Variants in PURB observed in about 807,000 individuals in gnomAD.
The protein encoded by PURB is purine rich element binding protein B, also known as transcriptional regulator protein Pur-beta.
Under a neutral mutation model 21.1 loss-of-function variants are expected in PURB, and 11 were observed. That is an observed-to-expected ratio of 0.52 (90% CI 0.33 to 0.86). The LOEUF is 0.86. PURB is among the 40% of genes least tolerant of loss of function. The pLI, the probability that PURB is intolerant of heterozygous loss-of-function variation, is 0.02. For missense variants in PURB, 357 were observed against 456.5 expected, an observed-to-expected ratio of 0.78 and a Z score of 1.99; for synonymous variants, 246 against 210.8, an observed-to-expected ratio of 1.17 and a Z score of -1.45.
Position 44,884,836 on chromosome 7 carries a change from G to A in PURB, c.513C>T (p.Thr171=), listed in dbSNP as rs1427975300. 1.2e-5 allele frequency: 19 copies of A among 1,573,196 alleles called. No homozygotes were observed. Among genetic ancestry groups the A allele is most frequent in the Non-Finnish European group, 1.6e-5 (19 of 1,160,550 alleles). The stretch of plus-strand genomic sequence containing the variant: ...TGAGGCCCTGCGCAGGCAGCGCGAT[G>A]GTCTGGCCGCTCTGCAAGCCGCCCG... ...PGPGGLQSGQ[T]IALPAQGLIE... Residue 171 remains threonine, a synonymous_variant, in exon 1 of 1, where the codon ACC becomes ACT. Coordinates refer to ENST00000395699, the MANE Select transcript of PURB (RefSeq NM_033224.5).
Position 44,883,617 on chromosome 7 carries a change from G to A in PURB, c.*793C>T, listed in dbSNP as rs1330891614. 2 of 152,568 alleles carry A rather than the reference G, an allele frequency of 1.3e-5. No individual in the cohort carries two copies. The highest frequency in any genetic ancestry group is 4.8e-5 in the African/African-American group (2 of 41,440). The allele number at this position is 152,568 out of a possible 1,614,324, so 9.5% of individuals were successfully genotyped here. A position where few individuals can be genotyped will look rare whatever the true frequency, so the allele number is the denominator to read the frequency against. ...CCAATGTAAAACTGCTTTTATCTTT[G>A]AAAATTTTTTGTCAACTTTGAAACT... On this transcript the variant is annotated 3_prime_UTR_variant, in exon 1 of 1. Transcript: ENST00000395699.
In PURB at chr7:44,881,114, C is replaced by G. The variant is rs987925494; in HGVS notation, c.*3296G>C. The G allele has an allele frequency of 2.6e-5, 4 of 152,270 alleles. No individual in the cohort carries two copies. Among genetic ancestry groups the G allele is most frequent in the Non-Finnish European group, 5.9e-5 (4 of 68,010 alleles). 9.4% of individuals were successfully genotyped at this position (152,270 alleles called of 1,614,324 possible). A position where few individuals can be genotyped will look rare whatever the true frequency, so the allele number is the denominator to read the frequency against. On this transcript the variant is annotated 3_prime_UTR_variant, in exon 1 of 1. Transcript: ENST00000395699. Reference sequence around the variant, plus strand: ...CTGTTCCTAAAATTTGGCTTTTCACCTTTGTAACTATGGTAGTTTGGGAAA... The same window carrying G: ...CTGTTCCTAAAATTTGGCTTTTCACGTTTGTAACTATGGTAGTTTGGGAAA...
In PURB at chr7:44,885,432, GC is replaced by G; in HGVS notation, c.-85del. The stretch of plus-strand genomic sequence containing the variant: ...TCGCGCTCCGGGGCCCCCCAGCCTC[GC>G]CCGCCCGGCTCGCTCACGCGCTCCC... On this transcript the variant is annotated 5_prime_UTR_variant, in exon 1 of 1. Coordinates refer to ENST00000395699, the MANE Select transcript of PURB (RefSeq NM_033224.5). The G allele has an allele frequency of 5.2e-6, 2 of 386,464 alleles. No individual in the cohort carries two copies. Among genetic ancestry groups the G allele is most frequent in the Non-Finnish European group, 7.0e-6 (2 of 284,464 alleles). 23.9% of individuals were successfully genotyped at this position (386,464 alleles called of 1,614,324 possible).
In PURB at chr7:44,884,521, C is replaced by A; in HGVS notation, c.828G>T (p.Ala276=). The A allele has an allele frequency of 6.2e-7, 1 of 1,614,070 alleles. No homozygotes were observed. The highest frequency in any genetic ancestry group is 8.5e-7 in the Non-Finnish European group (1 of 1,180,022). Residue 276 remains alanine (A), a synonymous_variant, in exon 1 of 1, where the codon GCG becomes GCT. Transcript: ENST00000395699. ...GKFGGAFCRY[A]DEMKEIQERQ... ...GTTCCTGGATTTCTTTCATCTCATCCGCATACCGGCAAAAGGCGCCTCCGA... is the reference window on the plus strand; with the variant it reads ...GTTCCTGGATTTCTTTCATCTCATCAGCATACCGGCAAAAGGCGCCTCCGA...
At position 44,882,483 on chromosome 7, in the gene PURB, GATC is replaced by G. The variant is rs1793891403; in HGVS notation, c.*1924_*1926del. ...GTGGCTCTTCCACTTTTTAATCTAAGATCAACAATATTCTGCATCATAATCTAT... is the reference window on the plus strand; with the variant it reads ...GTGGCTCTTCCACTTTTTAATCTAAGAACAATATTCTGCATCATAATCTAT... On this transcript the variant is annotated 3_prime_UTR_variant, in exon 1 of 1. Coordinates refer to ENST00000395699, the MANE Select transcript of PURB (RefSeq NM_033224.5). 1 of 152,464 alleles carries G rather than the reference GATC, an allele frequency of 6.6e-6. No homozygotes were observed. The highest frequency in any genetic ancestry group is 6.6e-5 in the Admixed American group (1 of 15,262). 9.4% of individuals were successfully genotyped at this position (152,464 alleles called of 1,614,324 possible).
In PURB at chr7:44,884,934, G is replaced by C; in HGVS notation, c.415C>G (p.Gln139Glu). 6.3e-7 allele frequency: 1 copy of C among 1,585,812 alleles called. No homozygotes were observed. The highest frequency in any genetic ancestry group is 8.6e-7 in the Non-Finnish European group (1 of 1,168,456). ...RKYYLDLKEN[Q>E]RGRFLRIRQT... ...CGGATGCGCAGGAAGCGGCCGCGCT[G>C]GTTCTCCTTGAGGTCCAGGTAGTAC... The change falls in exon 1 of 1, where the codon CAG becomes GAG. Residue 139 changes from glutamine to glutamate, a missense_variant. Coordinates refer to ENST00000395699, the MANE Select transcript of PURB (RefSeq NM_033224.5).
Position 44,881,276 on chromosome 7 carries a change from A to G in PURB, c.*3134T>C, listed in dbSNP as rs1043984003. 1.3e-5 allele frequency: 2 copies of G among 152,250 alleles called. No homozygotes were observed. Among genetic ancestry groups the G allele is most frequent in the African/African-American group, 4.8e-5 (2 of 41,466 alleles). 9.4% of individuals were successfully genotyped at this position (152,250 alleles called of 1,614,324 possible). On this transcript the variant is annotated 3_prime_UTR_variant, in exon 1 of 1. Coordinates refer to ENST00000395699, the MANE Select transcript of PURB (RefSeq NM_033224.5). Reference sequence around the variant, plus strand: ...CATTCATAGCAACAACTGAAAAACAAAAAAATTGGTTGTTTCCCATGTCTG... The same window carrying G: ...CATTCATAGCAACAACTGAAAAACAGAAAAATTGGTTGTTTCCCATGTCTG...
In PURB at chr7:44,880,534, C is replaced by G. The variant is rs1452806269; in HGVS notation, c.*3876G>C. On this transcript the variant is annotated 3_prime_UTR_variant, in exon 1 of 1. Coordinates refer to ENST00000395699, the MANE Select transcript of PURB (RefSeq NM_033224.5). ...ACCCCTGTAAAGCCAGTCAAGGTCA[C>G]ATTTAACAAAGCATCTTCAGCAACT... is the stretch of plus-strand genomic sequence containing the variant. 6.6e-6 allele frequency: 1 copy of G among 152,660 alleles called. No homozygotes were observed. The highest frequency in any genetic ancestry group is 1.5e-5 in the Non-Finnish European group (1 of 68,050). The allele number at this position is 152,660 out of a possible 1,614,324, so 9.5% of individuals were successfully genotyped here. A position where few individuals can be genotyped will look rare whatever the true frequency, so the allele number is the denominator to read the frequency against.
Position 44,885,331 on chromosome 7 carries a change from G to A in PURB, c.18C>T (p.Ser6=), listed in dbSNP as rs1250193570. The A allele has an allele frequency of 5.4e-6, 7 of 1,294,076 alleles. No homozygotes were observed. In the South Asian group the frequency reaches 1.6e-4, roughly 30 times the overall value. The allele number at this position is 1,294,076 out of a possible 1,614,324, so 80.2% of individuals were successfully genotyped here. ...CACCGCCGCCGCCGCGCTCGCTGCC[G>A]CTGTCGCCGTCCGCCATCTTCTAGG... is the stretch of plus-strand genomic sequence containing the variant. MADGD[S]GSERGGGGGP... is the part of the protein sequence containing the mutation. Residue 6 remains serine, a synonymous_variant, in exon 1 of 1, where the codon AGC becomes AGT. Coordinates refer to ENST00000395699, the MANE Select transcript of PURB (RefSeq NM_033224.5).
Position 44,882,245 on chromosome 7 carries a change from CATT to C in PURB, c.*2162_*2164del, listed in dbSNP as rs1027046400. The C allele has an allele frequency of 5.6e-4, 86 of 152,682 alleles. No homozygotes were observed. The highest frequency in any genetic ancestry group is 1.9e-3 in the African/African-American group (80 of 41,564). 9.5% of individuals were successfully genotyped at this position (152,682 alleles called of 1,614,324 possible). ...AAACACGTAGGTAAATACAGCAGGA[CATT>C]ATTGAAAAACAGCTGCCTTGTAGTA... On this transcript the variant is annotated 3_prime_UTR_variant, in exon 1 of 1. Transcript: ENST00000395699.
rs28431165 is a variant in PURB, at chr7:44,879,416, T to G, written c.*4994A>C. ...AGGTAAATGTGTTTTTTTTTTTTTC[T>G]TTTTTCTTTTCTACAAACTATCTCC... On this transcript the variant is annotated 3_prime_UTR_variant, in exon 1 of 1. Transcript: ENST00000395699. The G allele has an allele frequency of 6.8e-6, 1 of 146,534 alleles. No homozygotes were observed. The highest frequency in any genetic ancestry group is 1.5e-5 in the Non-Finnish European group (1 of 65,656). 9.1% of individuals were successfully genotyped at this position (146,534 alleles called of 1,614,324 possible).
rs1793868949 is a variant in PURB, at chr7:44,881,036, A to C, written c.*3374T>G. The C allele has an allele frequency of 6.6e-6, 1 of 152,654 alleles. No individual in the cohort carries two copies. The highest frequency in any genetic ancestry group is 1.5e-5 in the Non-Finnish European group (1 of 68,046). The allele number at this position is 152,654 out of a possible 1,614,324, so 9.5% of individuals were successfully genotyped here. A position where few individuals can be genotyped will look rare whatever the true frequency, so the allele number is the denominator to read the frequency against. ...TAGGGACAATAGAAACCAAAACCAA[A>C]ACATAGAAGGAAGAGTAGTAGGATC... On this transcript the variant is annotated 3_prime_UTR_variant, in exon 1 of 1. Coordinates refer to ENST00000395699, the MANE Select transcript of PURB (RefSeq NM_033224.5).
Position 44,876,719 on chromosome 7 carries a change from T to TA in PURB, c.*7690dup, listed in dbSNP as rs1024368401. 2 of 152,660 alleles carry TA rather than the reference T, an allele frequency of 1.3e-5. No individual in the cohort carries two copies. The highest frequency in any genetic ancestry group is 4.8e-5 in the African/African-American group (2 of 41,458). 9.5% of individuals were successfully genotyped at this position (152,660 alleles called of 1,614,324 possible). On this transcript the variant is annotated 3_prime_UTR_variant, in exon 1 of 1. Transcript: ENST00000395699. ...ATGTTTGTTAAAGTGCATTCTTCTT[T>TA]AAAAAATAAGAGGAATAATCTTTAC... is the stretch of plus-strand genomic sequence containing the variant.
At position 44,884,665 on chromosome 7, in the gene PURB, G is replaced by A. The variant is rs751340231; in HGVS notation, c.684C>T (p.Asp228=). Residue 228 remains aspartate, a synonymous_variant, in exon 1 of 1, where the codon GAC becomes GAT. Transcript: ENST00000395699. The part of the protein sequence containing the change: ...ELPEGTSITV[D]SKRFFFDVGC... ...CCACATCGAAGAAGAAGCGCTTGGA[G>A]TCCACGGTGATGGAGGTGCCCTCCG... is the stretch of plus-strand genomic sequence containing the variant. 1.2e-6 allele frequency: 2 copies of A among 1,614,052 alleles called. No individual in the cohort carries two copies. Among genetic ancestry groups the A allele is most frequent in the African/African-American group, 1.3e-5 (1 of 74,942 alleles).
rs1793805332 is a variant in PURB, at chr7:44,876,507, A to C, written c.*7903T>G. On this transcript the variant is annotated 3_prime_UTR_variant, in exon 1 of 1. Coordinates refer to ENST00000395699, the MANE Select transcript of PURB (RefSeq NM_033224.5). The stretch of plus-strand genomic sequence containing the variant: ...TTTACAGACCAGTCTGAAGCTTCTG[A>C]CTGTATTCACATTGCTCTTTTGAAG... 2 of 152,636 alleles carry C rather than the reference A, an allele frequency of 1.3e-5. No homozygotes were observed. Among genetic ancestry groups the C allele is most frequent in the African/African-American group, 4.8e-5 (2 of 41,444 alleles). 9.5% of individuals were successfully genotyped at this position (152,636 alleles called of 1,614,324 possible).
In PURB at chr7:44,882,127, TAA is replaced by T. The variant is rs1398098937; in HGVS notation, c.*2281_*2282del. ...TCATTGCTGCCTCAGAGTTGAAACT[TAA>T]ATAGTTTCTGCAAACCTAATGCTAG... On this transcript the variant is annotated 3_prime_UTR_variant, in exon 1 of 1. Transcript: ENST00000395699. 1.0e-4 allele frequency: 16 copies of T among 152,718 alleles called. No homozygotes were observed. Among genetic ancestry groups the T allele is most frequent in the African/African-American group, 3.6e-4 (15 of 41,574 alleles). 9.5% of individuals were successfully genotyped at this position (152,718 alleles called of 1,614,324 possible). A position where few individuals can be genotyped will look rare whatever the true frequency, so the allele number is the denominator to read the frequency against.
rs747931544 is a variant in PURB, at chr7:44,885,142, G to A, written c.207C>T (p.Ser69=). The part of the protein sequence containing the change: ...LKIAEVGAGG[S]KSRLTLSMAV... ...CCATGGACAGCGTGAGGCGGCTCTT[G>A]GAACCGCCCGCGCCCACCTCGGCGA... Residue 69 remains serine, a synonymous_variant, in exon 1 of 1, where the codon TCC becomes TCT. Coordinates refer to ENST00000395699, the MANE Select transcript of PURB (RefSeq NM_033224.5). The A allele has an allele frequency of 7.6e-6, 12 of 1,570,040 alleles. No homozygotes were observed. In the South Asian group the frequency reaches 1.0e-4, roughly 14 times the overall value.
rs1793808955 is a variant in PURB at position 44,876,876 on chromosome 7, T to C, written c.*7534A>G. ...AGGGTTACAGGTGGAGGGGACCTTA[T>C]AAAATTAAAGGTGCAGCTTCTCTTG... is the stretch of plus-strand genomic sequence containing the variant. On this transcript the variant is annotated 3_prime_UTR_variant, in exon 1 of 1. Transcript: ENST00000395699. 1.3e-5 allele frequency: 2 copies of C among 152,634 alleles called. No homozygotes were observed. Among genetic ancestry groups the C allele is most frequent in the Admixed American group, 6.5e-5 (1 of 15,272 alleles). 9.5% of individuals were successfully genotyped at this position (152,634 alleles called of 1,614,324 possible). A position where few individuals can be genotyped will look rare whatever the true frequency, so the allele number is the denominator to read the frequency against.
Position 44,884,757 on chromosome 7 carries a change from C to T in PURB, c.592G>A (p.Asp198Asn), listed in dbSNP as rs747338939. ...KLIDDYGGEDDELAGGPGGGA... is the reference protein window; with the variant it reads ...KLIDDYGGEDNELAGGPGGGA... ...CCTCCCGGGCCGCCTGCCAGCTCGT[C>T]GTCCTCGCCTCCGTAGTCGTCTATG... The change falls in exon 1 of 1, where the codon GAC becomes AAC. Residue 198 changes from aspartate (D) to asparagine (N), a missense_variant. Asp to Asn is a conservative substitution (Grantham distance 23, BLOSUM62 1). Transcript: ENST00000395699. The T allele has an allele frequency of 3.1e-6, 5 of 1,610,936 alleles. No individual in the cohort carries two copies. In the South Asian group the frequency reaches 4.4e-5, roughly 14 times the overall value.
Sources: gnomAD v4.1 joint callset for allele counts on GRCh38, gnomAD v4.1.1 for gene constraint, MANE v1.5 for transcripts, NCBI Gene and HGNC (gene_info 2026-07-23, HGNC 2026-07-21) for gene names.